The following PDE4D variants were observed in gnomAD, a reference collection of about 807,000 sequenced individuals.
The protein encoded by PDE4D is 3',5'-cyclic-AMP phosphodiesterase 4D.
PDE4D carries 24 observed loss-of-function variants against 87.4 expected under a neutral mutation model. That is an observed-to-expected ratio of 0.27 (90% CI 0.20 to 0.39). The LOEUF (loss-of-function observed/expected upper bound fraction) is 0.39. PDE4D is among the 10% of genes least tolerant of loss of function. The pLI is 1.00. For missense variants in PDE4D, 714 were observed against 1,041.0 expected (o/e 0.69, Z 4.32); for synonymous variants, 384 against 383.2 (o/e 1.00, Z -0.02).
rs375919604 is a variant in PDE4D, at chr5:59,462,252, T to G, written c.456-246284A>C. Among the ~76,000 whole-genome samples the G allele has an allele frequency of 4.9e-4, 74 of 152,264 alleles. 2 individuals are homozygous for G. In the East Asian group the frequency reaches 0.012, roughly 25 times the overall value. ...ATTATTTTAGTCTTCATTATCTTAT[T>G]ATATCATCCACCAATTGTGTCACTT... On this transcript the variant is annotated intron_variant, in intron 1 of 14. Transcript: ENST00000340635.
intron 3 of PDE4D, among the ~76,000 whole-genome samples, chr5:59,972,167 G>A (rs1291885330): frequency 6.6e-6 from 1 of 152,180 alleles, no homozygotes; most frequent in East Asian, 1.9e-4. Context: ...CTACATTGAG[G>A]TTATAGACCC....
intron 1 of PDE4D, among the ~76,000 whole-genome samples, chr5:59,592,986 A>T (rs1157601562): frequency 1.3e-5 from 2 of 151,836 alleles, no homozygotes; most frequent in African/African-American, 2.4e-5. Flanking sequence ...ATAATTTAAA[A>T]TTTTTTAATA....
chr5:59,956,904 A>C (rs1392891711), intron 3 of PDE4D, among the ~76,000 whole-genome samples: 1 of 152,200 alleles, frequency 6.6e-6, no homozygotes. Context: ...AAAAAATTGC[A>C]TTATAAAAGT....
intron 1 of PDE4D, chr5:59,586,496 A>T: frequency 8.1e-7 from 1 of 1,235,360 alleles, no homozygotes; most frequent in Admixed American, 4.0e-5. Context: ...TGCAACAAGT[A>T]TTGAATCCCA....
intron 1 of PDE4D, among the ~76,000 whole-genome samples, chr5:59,818,653 G>C (rs1010113589): frequency 9.2e-5 from 14 of 152,138 alleles, no homozygotes; most frequent in Admixed American, 4.6e-4. Flanking sequence ...GAACTGCAAA[G>C]TCATTTGAAC....
intron 1 of PDE4D, among the ~76,000 whole-genome samples, chr5:59,385,865 A>G (rs985036324): frequency 6.6e-6 from 1 of 152,098 alleles, no homozygotes; most frequent in Non-Finnish European, 1.5e-5. Flanking sequence ...TCTATCTCGG[A>G]GTATCTCAGG....
At chr5:60,138,418 C>T (rs1226463253) in intron 2 of PDE4D, among the ~76,000 whole-genome samples, 1 of 152,082 alleles carries the variant, frequency 6.6e-6, no homozygotes, top group Non-Finnish European at 1.5e-5. Flanking sequence ...TATAATTTCA[C>T]TGAACTATTT....
chr5:59,111,284 G>T (rs557605399), intron 5 of PDE4D, among the ~76,000 whole-genome samples: 5 of 152,148 alleles, frequency 3.3e-5, no homozygotes, highest in Non-Finnish European at 7.3e-5. Flanking sequence ...ACTGGGGATA[G>T]TTCCTGCAGA....
chr5:59,358,777 G>C (rs1781778951), intron 1 of PDE4D, among the ~76,000 whole-genome samples: 1 of 151,996 alleles, frequency 6.6e-6, no homozygotes, highest in South Asian at 2.1e-4. Context: ...AAGAGTAGAA[G>C]GGATGTTGCT....
At chr5:59,006,290 T>C (rs928853960) in intron 6 of PDE4D, among the ~76,000 whole-genome samples, 2 of 152,186 alleles carry the variant, frequency 1.3e-5, no homozygotes, top group Non-Finnish European at 2.9e-5. Flanking sequence ...CTTGGCCTGG[T>C]GAAGTGCCTC....
chr5:59,165,506 C>G (rs1781798124), intron 5 of PDE4D, among the ~76,000 whole-genome samples: 1 of 152,130 alleles, frequency 6.6e-6, no homozygotes, highest in African/African-American at 2.4e-5. Flanking sequence ...AAACTCCTGA[C>G]CTCAGGTGAT....
At chr5:59,149,129 T>C (rs113412989) in intron 5 of PDE4D, among the ~76,000 whole-genome samples, 6 of 152,162 alleles carry the variant, frequency 3.9e-5, no homozygotes, top group Non-Finnish European at 7.3e-5. Context: ...CCATTTTCTC[T>C]TAAACTAACA....
intron 2 of PDE4D, among the ~76,000 whole-genome samples, chr5:60,114,447 T>A (rs1330395146): frequency 2.0e-5 from 3 of 152,198 alleles, no homozygotes; most frequent in African/African-American, 7.2e-5. Context: ...AATAAAGACA[T>A]CCTCAATTTA....
intron 1 of PDE4D, among the ~76,000 whole-genome samples, chr5:59,733,722 C>G (rs1209016929): frequency 6.6e-6 from 1 of 150,698 alleles, no homozygotes; most frequent in Non-Finnish European, 1.5e-5. Context: ...TAATAGCATC[C>G]ATATTACCAT....
intron 1 of PDE4D, among the ~76,000 whole-genome samples, chr5:60,232,035 CT>C: frequency 6.6e-6 from 1 of 151,848 alleles, no homozygotes; most frequent in East Asian, 1.9e-4. Flanking sequence ...TTGTTCAAGG[CT>C]TTTTATTTTC....
Position 59,010,225 on chromosome 5 carries a change from G to C in PDE4D, c.922-16760C>G, listed in dbSNP as rs190356971. Among the ~76,000 whole-genome samples the C allele has an allele frequency of 8.6e-4, 131 of 152,206 alleles. 2 individuals are homozygous for C. In the East Asian group the frequency reaches 0.024, roughly 28 times the overall value. On this transcript the variant is annotated intron_variant, in intron 6 of 14. Coordinates refer to ENST00000340635, the MANE Select transcript of PDE4D (RefSeq NM_001104631.2). ...TCATGTAATCCCAGCTACTCGGGAG[G>C]CTGAGGCAGGAGAATTGCTTGAGCC...
intron 1 of PDE4D, among the ~76,000 whole-genome samples, chr5:60,235,922 CAA>C (rs1746374827): frequency 6.6e-6 from 1 of 151,836 alleles, no homozygotes; most frequent in Admixed American, 6.6e-5. Flanking sequence ...AGGAATGAAA[CAA>C]TTCATCCCCA....
intron 3 of PDE4D, among the ~76,000 whole-genome samples, chr5:59,961,899 T>A (rs184850415): frequency 7.9e-5 from 12 of 152,298 alleles, no homozygotes; most frequent in Non-Finnish European, 1.3e-4. Flanking sequence ...TGTGTTTATT[T>A]AGCCAGATGC....
chr5:59,185,111 T>C (rs887133654), intron 4 of PDE4D, 78 bp downstream of exon 4: 8 of 1,073,554 alleles, frequency 7.5e-6, no homozygotes, highest in Admixed American at 1.9e-5. Context: ...GTCTAACATA[T>C]TGCCTTGGGC....
Sources: gnomAD v4.1 joint callset for allele counts (sites outside exome capture counted in the v4.1 genomes callset) on GRCh38, gnomAD v4.1.1 for gene constraint, MANE v1.5 for transcripts, NCBI Gene and HGNC (gene_info 2026-07-23, HGNC 2026-07-21) for gene names.